GSK3B: variants seen among roughly 807,000 people sequenced by gnomAD.
The protein encoded by GSK3B is glycogen synthase kinase 3 beta.
In GSK3B, 15 loss-of-function variants were observed where a neutral mutation model predicts 56.4. The ratio of observed to expected loss-of-function variants is 0.27; its 90% confidence interval spans 0.18 to 0.41. The LOEUF (loss-of-function observed/expected upper bound fraction) is 0.41. GSK3B is among the 10% of genes least tolerant of loss of function. GSK3B has a pLI of 1.00. For synonymous variants in GSK3B, 181 were observed against 188.9 expected, an observed-to-expected ratio of 0.96 and a Z score of 0.34; for missense variants, 300 against 513.4, an observed-to-expected ratio of 0.58 and a Z score of 4.02.
chr3:119,924,013 A>G (rs1216252492), intron 3 of GSK3B, among the ~76,000 whole-genome samples: 1 of 152,214 alleles, frequency 6.6e-6, no homozygotes, highest in African/African-American at 2.4e-5. Context: ...ACACACACAA[A>G]AAGATCTTAT....
intron 5 of GSK3B, among the ~76,000 whole-genome samples, chr3:119,913,426 G>A (rs1437462445): frequency 6.6e-6 from 1 of 152,012 alleles, no homozygotes; most frequent in Admixed American, 6.6e-5. Flanking sequence ...GCTATAGTAA[G>A]TATAATTGCA....
At chr3:119,901,251 G>A (rs2056622142) in intron 7 of GSK3B, among the ~76,000 whole-genome samples, 1 of 152,094 alleles carries the variant, frequency 6.6e-6, no homozygotes, top group African/African-American at 2.4e-5. Context: ...AAAGCACATT[G>A]TCTGAGAAGC....
intron 2 of GSK3B, among the ~76,000 whole-genome samples, chr3:119,994,316 ATAATCC>A (rs2057594561): frequency 6.6e-6 from 1 of 152,210 alleles, no homozygotes; most frequent in African/African-American, 2.4e-5. Flanking sequence ...AGCTTTCCTC[ATAATCC>A]TTAGAGTAGA....
intron 1 of GSK3B, chr3:120,029,203 T>C: frequency 1.5e-6 from 1 of 683,238 alleles, no homozygotes. Context: ...GATTAACAAG[T>C]GGTAGAATAA....
intron 10 of GSK3B, among the ~76,000 whole-genome samples, chr3:119,838,521 T>C (rs2055726845): frequency 6.6e-6 from 1 of 152,154 alleles, no homozygotes; most frequent in South Asian, 2.1e-4. Context: ...CACATGAAAA[T>C]ACACATTTTG....
chr3:119,923,328 T>C (rs1180288489), intron 4 of GSK3B, 45 bp downstream of exon 4: 10 of 992,534 alleles, frequency 1.0e-5, no homozygotes, highest in Admixed American at 7.7e-5. Context: ...CCTTGGTTCA[T>C]AAAAAATGTT....
At chr3:119,943,705 T>C (rs898359297) in intron 3 of GSK3B, among the ~76,000 whole-genome samples, 5 of 150,954 alleles carry the variant, frequency 3.3e-5, no homozygotes, top group Non-Finnish European at 4.4e-5. Flanking sequence ...AAGACAGGTA[T>C]AGAAACCCAG....
intron 1 of GSK3B, among the ~76,000 whole-genome samples, chr3:120,018,629 G>C (rs1315890674): frequency 1.3e-5 from 2 of 152,120 alleles, no homozygotes; most frequent in East Asian, 3.8e-4. Context: ...AAGTGAAAGT[G>C]AATTGAATAA....
intron 1 of GSK3B, among the ~76,000 whole-genome samples, chr3:120,047,385 G>A (rs1182759946): frequency 6.6e-6 from 1 of 152,118 alleles, no homozygotes; most frequent in Non-Finnish European, 1.5e-5. Flanking sequence ...TCTCTCACTG[G>A]TAGCAACTTT....
Position 119,941,041 on chromosome 3 carries a change from G to A in GSK3B, c.366+6227C>T, listed in dbSNP as rs1327074664. 4.5e-4 allele frequency among the ~76,000 whole-genome samples: 65 copies of A among 143,318 alleles called. 1 individual carries two copies. The Admixed American group carries it at 4.6e-3, about 10-fold the overall frequency. The allele number at this position is 143,318 out of a possible 152,430, so 94.0% of individuals were successfully genotyped here. ...TTTTTTTTTTTTTTTTTGAGATGGAGCTTCGCTCTTGTTGCCCAAGCTGGA... is the reference window on the plus strand; with the variant it reads ...TTTTTTTTTTTTTTTTTGAGATGGAACTTCGCTCTTGTTGCCCAAGCTGGA... On this transcript the variant is annotated intron_variant, in intron 3 of 10. Transcript: ENST00000264235.
intron 10 of GSK3B, among the ~76,000 whole-genome samples, chr3:119,843,048 T>C (rs72548720): frequency 4.5e-4 from 69 of 152,128 alleles, no homozygotes; most frequent in Middle Eastern, 3.4e-3. Flanking sequence ...CCCCAGAAGC[T>C]GGGATTACAG....
intron 1 of GSK3B, among the ~76,000 whole-genome samples, chr3:120,044,728 A>G (rs1165501472): frequency 6.6e-6 from 1 of 152,206 alleles, no homozygotes; most frequent in Non-Finnish European, 1.5e-5. Flanking sequence ...GATGCTGTCA[A>G]AGGAATAGCT....
At chr3:120,014,418 A>C (rs750724486) in intron 1 of GSK3B, among the ~76,000 whole-genome samples, 56 of 152,306 alleles carry the variant, frequency 3.7e-4, no homozygotes, top group Non-Finnish European at 6.9e-4. Context: ...TCAGAGTTAG[A>C]AAATTCAAAA....
chr3:120,011,762 T>C (rs1198170353), intron 1 of GSK3B, among the ~76,000 whole-genome samples: 1 of 152,230 alleles, frequency 6.6e-6, no homozygotes, highest in Non-Finnish European at 1.5e-5. Flanking sequence ...CCATTTGGCA[T>C]TGGAATTAGC....
chr3:119,912,883 C>A lies in GSK3B; in HGVS notation c.609-73G>T, dbSNP rs896230984. The A allele has an allele frequency of 3.9e-5, 24 of 622,910 alleles. No homozygotes were observed. The Admixed American group carries it at 5.3e-4, about 14-fold the overall frequency. The allele number at this position is 622,910 out of a possible 1,614,324, so 38.6% of individuals were successfully genotyped here. On this transcript the variant is annotated intron_variant, in intron 5 of 10. Coordinates refer to ENST00000264235, the MANE Select transcript of GSK3B (RefSeq NM_001146156.2). ...AACCTTAAAGAACTTAGACTGCTAT[C>A]CTTTCACAGTATCAAATGATTTTAT...
intron 1 of GSK3B, among the ~76,000 whole-genome samples, chr3:120,018,929 C>T (rs986585033): frequency 2.6e-5 from 4 of 152,042 alleles, no homozygotes; most frequent in Admixed American, 6.5e-5. Context: ...ACAACAGGTG[C>T]TACTTTTGTA....
intron 3 of GSK3B, among the ~76,000 whole-genome samples, chr3:119,934,701 C>T (rs545317950): frequency 3.3e-5 from 5 of 152,164 alleles, no homozygotes; most frequent in East Asian, 3.9e-4. Flanking sequence ...ATAGGGGAAA[C>T]TTTGCAGGGT....
intron 9 of GSK3B, among the ~76,000 whole-genome samples, chr3:119,848,492 A>G (rs2055886269): frequency 6.6e-6 from 1 of 152,182 alleles, no homozygotes; most frequent in African/African-American, 2.4e-5. Flanking sequence ...AGCACAATTC[A>G]GCATCTAGTA....
At chr3:120,055,545 T>A (rs543305646) in intron 1 of GSK3B, among the ~76,000 whole-genome samples, 77 of 152,210 alleles carry the variant, frequency 5.1e-4, no homozygotes, top group African/African-American at 1.8e-3. Flanking sequence ...GAATGAAAAA[T>A]CTTTAAGATT....
Sources: allele counts gnomAD v4.1 joint callset (sites outside exome capture counted in the v4.1 genomes callset), GRCh38; gene constraint gnomAD v4.1.1; transcripts MANE v1.5; gene names NCBI Gene and HGNC (gene_info 2026-07-23, HGNC 2026-07-21).